Variants in PTPN22 observed in about 807,000 individuals in gnomAD.
PTPN22 encodes the protein tyrosine-protein phosphatase non-receptor type 22.
In PTPN22, 85 loss-of-function variants were observed where a neutral mutation model predicts 103.3. The ratio of observed to expected loss-of-function variants is 0.82; its 90% CI spans 0.69 to 0.99. The LOEUF (loss-of-function observed/expected upper bound fraction) is 0.99. PTPN22 is among the 50% of genes least tolerant of loss of function. PTPN22 has a pLI of 0.00. For synonymous variants in PTPN22, 323 were observed against 310.2 expected (o/e 1.04, Z -0.43); for missense variants, 865 against 936.9 (o/e 0.92, Z 1.00).
intron 18 of PTPN22, among the ~76,000 whole-genome samples, chr1:113,826,568 T>C (rs1571350401): frequency 6.6e-6 from 1 of 152,248 alleles, no homozygotes; most frequent in East Asian, 1.9e-4. Context: ...CCAAGAATTT[T>C]TGCCAGTCAT....
chr1:113,837,804 C>T, exon 13 of PTPN22: 1 of 1,613,870 alleles, frequency 6.2e-7, no homozygotes, highest in Non-Finnish European at 8.5e-7. Flanking sequence ...AAGGATTTTC[C>T]ACTAAAGGTA....
intron 19 of PTPN22, among the ~76,000 whole-genome samples, chr1:113,820,825 G>T (rs1661532623): frequency 6.6e-6 from 1 of 152,164 alleles, no homozygotes; most frequent in South Asian, 2.1e-4. Context: ...ATGCATATTT[G>T]CACATGCATA....
chr1:113,834,334 T>C (rs760546226), exon 15 of PTPN22: 1 of 1,613,970 alleles, frequency 6.2e-7, no homozygotes, highest in East Asian at 2.2e-5. Context: ...TATCACAGAG[T>C]CATCAAATTT....
At chr1:113,821,953 G>T (rs1311937156) in intron 19 of PTPN22, among the ~76,000 whole-genome samples, 2 of 152,202 alleles carry the variant, frequency 1.3e-5, no homozygotes, top group Non-Finnish European at 2.9e-5. Flanking sequence ...AATGAACCAA[G>T]TCAAGACAAT....
intron 11 of PTPN22, 113 bp from the exon 12 acceptor site, chr1:113,838,733 A>G: frequency 7.0e-7 from 1 of 1,434,128 alleles, no homozygotes; most frequent in Non-Finnish European, 9.2e-7. Flanking sequence ...ATTTAAAATA[A>G]TTCATGAAAG....
At chr1:113,871,551 C>A in exon 1 of PTPN22, 1 of 1,613,998 alleles carries the variant, frequency 6.2e-7, no homozygotes, top group Non-Finnish European at 8.5e-7. Context: ...AATTCATTGG[C>A]AAACTCCTCT....
At chr1:113,868,127 G>C (rs1030788856) in intron 1 of PTPN22, among the ~76,000 whole-genome samples, 1 of 151,988 alleles carries the variant, frequency 6.6e-6, no homozygotes, top group African/African-American at 2.4e-5. Flanking sequence ...ATAGTTGGTT[G>C]AATCCAAGGA....
At chr1:113,857,860 T>A in intron 4 of PTPN22, 84 bp from the exon 5 acceptor site, 1 of 1,235,396 alleles carries the variant, frequency 8.1e-7, no homozygotes, top group East Asian at 2.6e-5. Flanking sequence ...ACTCAGAAAG[T>A]ATTAACCGTT....
chr1:113,836,246 C>A (rs1663009809), intron 13 of PTPN22, among the ~76,000 whole-genome samples: 1 of 152,176 alleles, frequency 6.6e-6, no homozygotes. Context: ...TAAACTTGTT[C>A]ATTGCTTTCC....
intron 11 of PTPN22, among the ~76,000 whole-genome samples, chr1:113,841,068 T>TA (rs1284052768): frequency 6.6e-6 from 1 of 151,868 alleles, no homozygotes; most frequent in Non-Finnish European, 1.5e-5. Flanking sequence ...CTACTAAAAA[T>TA]ACAAAATTAG....
chr1:113,866,188 T>C (rs968649460), intron 1 of PTPN22, among the ~76,000 whole-genome samples: 2 of 152,168 alleles, frequency 1.3e-5, no homozygotes, highest in Admixed American at 6.6e-5. Flanking sequence ...AGAAGCATTC[T>C]CTATTATGAT....
At position 113,829,722 on chromosome 1, in the gene PTPN22, AGGAG is replaced by A; in HGVS notation, c.2135-19_2135-16del. ...GGCCTGCATACCTTAAAAAAAAAAAAGGAGAAAAACATGTTCCATTGCATACCTT... is the reference window on the plus strand; with the variant it reads ...GGCCTGCATACCTTAAAAAAAAAAAAAAAAACATGTTCCATTGCATACCTT... On this transcript the variant is annotated splice_polypyrimidine_tract_variant and intron_variant, in intron 17 of 20. Transcript: ENST00000359785. 5.2e-6 allele frequency: 6 copies of A among 1,152,886 alleles called. No individual in the cohort carries two copies. Among genetic ancestry groups the A allele is most frequent in the Non-Finnish European group, 6.3e-6 (5 of 795,462 alleles). 71.4% of individuals were successfully genotyped at this position (1,152,886 alleles called of 1,614,324 possible). A position where few individuals can be genotyped will look rare whatever the true frequency, so the allele number is the denominator to read the frequency against.
intron 18 of PTPN22, among the ~76,000 whole-genome samples, chr1:113,827,174 A>G (rs929354967): frequency 1.4e-4 from 22 of 152,194 alleles, no homozygotes; most frequent in Non-Finnish European, 7.3e-5. Flanking sequence ...CTGTTTTCCT[A>G]ACACCTAACA....
intron 1 of PTPN22, among the ~76,000 whole-genome samples, chr1:113,861,674 C>T (rs997247359): frequency 1.3e-5 from 2 of 152,110 alleles, no homozygotes; most frequent in Non-Finnish European, 1.5e-5. Context: ...CCACCGCGCC[C>T]GGCAGGCTTC....
At chr1:113,832,612 A>C (rs956663429) in intron 16 of PTPN22, among the ~76,000 whole-genome samples, 1 of 152,186 alleles carries the variant, frequency 6.6e-6, no homozygotes, top group African/African-American at 2.4e-5. Flanking sequence ...CTGTATATGT[A>C]TTTGAATAAT....
At chr1:113,859,494 T>G in intron 1 of PTPN22, 34 bp from the exon 2 acceptor site, 1 of 1,528,250 alleles carries the variant, frequency 6.5e-7, no homozygotes, top group East Asian at 2.3e-5. Flanking sequence ...TTAATCTTCC[T>G]AGAGAAATGA....
intron 3 of PTPN22, 108 bp downstream of exon 3, chr1:113,858,894 C>A: frequency 1.4e-6 from 2 of 1,473,714 alleles, no homozygotes; most frequent in Non-Finnish European, 1.8e-6. Flanking sequence ...CCGCCTCAGC[C>A]TCCCAAAGTG....
chr1:113,854,406 A>G (rs1664872168), intron 9 of PTPN22, 65 bp downstream of exon 9: 5 of 1,443,914 alleles, frequency 3.5e-6, no homozygotes, highest in Non-Finnish European at 4.9e-6. Context: ...TGAAAAACCA[A>G]ACAATTACTA....
intron 8 of PTPN22, 108 bp downstream of exon 8, chr1:113,854,799 T>C (rs1014536223): frequency 7.4e-7 from 1 of 1,348,858 alleles, no homozygotes. Flanking sequence ...GTTGAATTTA[T>C]TATCGTTTGT....
Sources: gnomAD v4.1 joint callset for allele counts (sites outside exome capture counted in the v4.1 genomes callset) on GRCh38, gnomAD v4.1.1 for gene constraint, MANE v1.5 for transcripts, NCBI Gene and HGNC (gene_info 2026-07-23, HGNC 2026-07-21) for gene names.